The following UBE2W variants were observed in gnomAD, a reference collection of about 807,000 sequenced individuals.
UBE2W encodes ubiquitin conjugating enzyme E2 W, also known as ubiquitin-conjugating enzyme E2 W.
Under a neutral mutation model 27.2 loss-of-function variants are expected in UBE2W, and 18 were observed. The observed-to-expected ratio is 0.66, with a 90% CI of 0.46 to 0.98. UBE2W has a LOEUF of 0.98. UBE2W is among the 50% of genes least tolerant of loss of function. The pLI is 0.00. For synonymous variants in UBE2W, 53 were observed against 57.2 expected (o/e 0.93, Z 0.33); for missense variants, 90 against 180.2 (o/e 0.50, Z 2.87).
At chr8:73,871,860 C>T (rs896768594) in intron 1 of UBE2W, among the ~76,000 whole-genome samples, 4 of 151,944 alleles carry the variant, frequency 2.6e-5, no homozygotes, top group Non-Finnish European at 4.4e-5. Flanking sequence ...ACTCTGTCAC[C>T]CACGCTGGAG....
chr8:73,867,713 G>A (rs1168035946), intron 1 of UBE2W, among the ~76,000 whole-genome samples: 55 of 128,680 alleles, frequency 4.3e-4, no homozygotes, highest in African/African-American at 5.5e-4. Flanking sequence ...CTCTGTCTCA[G>A]AAAAAAAAAA....
At chr8:73,807,372 GT>G (rs1563579858) in intron 4 of UBE2W, among the ~76,000 whole-genome samples, 7 of 152,184 alleles carry the variant, frequency 4.6e-5, no homozygotes. Context: ...GAAAGCAATC[GT>G]GAGTAGGACT....
intron 1 of UBE2W, among the ~76,000 whole-genome samples, chr8:73,850,737 A>T (rs1022641616): frequency 6.6e-6 from 1 of 150,560 alleles, no homozygotes; most frequent in African/African-American, 2.4e-5. Context: ...AAAAAAAAAA[A>T]AAAAAAAAAA....
At chr8:73,823,561 T>C (rs1809708874) in intron 3 of UBE2W, among the ~76,000 whole-genome samples, 1 of 152,180 alleles carries the variant, frequency 6.6e-6, no homozygotes, top group Non-Finnish European at 1.5e-5. Context: ...TCTCCACACA[T>C]TTACAGTCAG....
chr8:73,814,675 C>T (rs575718240), intron 3 of UBE2W, among the ~76,000 whole-genome samples: 3 of 152,042 alleles, frequency 2.0e-5, no homozygotes, highest in Non-Finnish European at 2.9e-5. Flanking sequence ...CACACCACCA[C>T]GCCTGGCTAA....
At chr8:73,804,278 TA>T (rs60509539) in intron 5 of UBE2W, among the ~76,000 whole-genome samples, 6,585 of 132,308 alleles carry the variant, frequency 0.05, 392 homozygotes, top group African/African-American at 0.15. Context: ...AGGTTAACAT[TA>T]AAAAAAAAAA....
At chr8:73,878,212 G>A (rs932746764) in intron 1 of UBE2W, among the ~76,000 whole-genome samples, 1 of 152,234 alleles carries the variant, frequency 6.6e-6, no homozygotes, top group African/African-American at 2.4e-5. Flanking sequence ...CGAGGCTGAT[G>A]GAAATAGAAG....
chr8:73,793,680 G>T lies in UBE2W; in HGVS notation c.*422C>A. On this transcript the variant is annotated 3_prime_UTR_variant, in exon 6 of 6. Transcript: ENST00000602593. ...TATAACCAGTAAGTTCATTTCATAG[G>T]CCCTATCATGCATTAATCATTGAAT... 2.0e-6 allele frequency: 2 copies of T among 990,012 alleles called. No homozygotes were observed. The highest frequency in any genetic ancestry group is 2.4e-6 in the Non-Finnish European group (2 of 832,990). The allele number at this position is 990,012 out of a possible 1,614,324, so 61.3% of individuals were successfully genotyped here.
intron 2 of UBE2W, 82 bp from the exon 3 acceptor site, chr8:73,825,331 T>C (rs1809791559): frequency 2.1e-6 from 2 of 931,682 alleles, no homozygotes; most frequent in East Asian, 5.3e-5. Context: ...AAGTACTTCC[T>C]ATACACTAAG....
At chr8:73,849,944 T>C (rs542814043) in intron 1 of UBE2W, among the ~76,000 whole-genome samples, 1 of 152,210 alleles carries the variant, frequency 6.6e-6, no homozygotes, top group East Asian at 1.9e-4. Context: ...TATAATGATA[T>C]AGTCACCATG....
At chr8:73,852,103 T>C (rs1238765647) in intron 1 of UBE2W, among the ~76,000 whole-genome samples, 1 of 151,918 alleles carries the variant, frequency 6.6e-6, no homozygotes, top group Non-Finnish European at 1.5e-5. Context: ...CTGGTCTGTT[T>C]ATGAAGGGTT....
chr8:73,786,163 C>T (rs1306600040), downstream of UBE2W: 1 of 940,854 alleles, frequency 1.1e-6, no homozygotes, highest in Non-Finnish European at 1.3e-6. Context: ...TTGTGACAAG[C>T]AATTTGCCTC....
intron 4 of UBE2W, among the ~76,000 whole-genome samples, chr8:73,807,515 C>T (rs1808965991): frequency 6.6e-6 from 1 of 152,114 alleles, no homozygotes; most frequent in Admixed American, 6.5e-5. Flanking sequence ...CAAAAAGAAA[C>T]ATTAGAGCAT....
chr8:73,857,460 AT>A (rs1467954501), intron 1 of UBE2W, among the ~76,000 whole-genome samples: 1 of 21,056 alleles, frequency 4.7e-5, no homozygotes, highest in African/African-American at 6.2e-5. Context: ...GATTGCAAGT[AT>A]GTAAGAGTAT....
chr8:73,797,353 AAG>A (rs1454422249), intron 5 of UBE2W, among the ~76,000 whole-genome samples: 1 of 152,358 alleles, frequency 6.6e-6, no homozygotes, highest in Non-Finnish European at 1.5e-5. Context: ...ACCTCCAAGA[AAG>A]AGAAAATATT....
chr8:73,780,998 G>A (rs994226987), intron 4 of UBE2W, among the ~76,000 whole-genome samples: 5 of 151,898 alleles, frequency 3.3e-5, no homozygotes, highest in African/African-American at 9.7e-5. Context: ...GGCTGAGCGC[G>A]GTGGCTCACG....
chr8:73,872,540 T>G (rs1004328853), intron 1 of UBE2W, among the ~76,000 whole-genome samples: 17 of 152,300 alleles, frequency 1.1e-4, no homozygotes, highest in African/African-American at 3.8e-4. Flanking sequence ...GACATAGCAG[T>G]AACTGCTGGT....
intron 1 of UBE2W, among the ~76,000 whole-genome samples, chr8:73,857,418 T>C (rs1811347539): frequency 6.6e-6 from 1 of 150,462 alleles, no homozygotes; most frequent in Non-Finnish European, 1.5e-5. Flanking sequence ...TTTCAATGTA[T>C]GTGTTCTAAA....
intron 3 of UBE2W, among the ~76,000 whole-genome samples, chr8:73,822,869 G>A (rs574465332): frequency 1.3e-5 from 2 of 152,260 alleles, no homozygotes; most frequent in South Asian, 4.1e-4. Context: ...TTCAAATGTA[G>A]GAGGGAGGAG....
Sources: gnomAD v4.1 joint callset for allele counts (sites outside exome capture counted in the v4.1 genomes callset) on GRCh38, gnomAD v4.1.1 for gene constraint, MANE v1.5 for transcripts, NCBI Gene and HGNC (gene_info 2026-07-23, HGNC 2026-07-21) for gene names.